CHP1: variants seen among roughly 807,000 people sequenced by gnomAD.
CHP1 encodes the protein calcineurin B homologous protein 1.
Under a neutral mutation model 27.4 loss-of-function variants are expected in CHP1, and 11 were observed. The ratio of observed to expected loss-of-function variants is 0.40; its 90% CI spans 0.25 to 0.67. CHP1 has a LOEUF of 0.67. Ranked by LOEUF, CHP1 falls within the 30% of genes least tolerant of loss-of-function variation. The pLI is 0.38. For missense variants in CHP1, 169 were observed against 251.3 expected, an observed-to-expected ratio of 0.67 and a Z score of 2.22; for synonymous variants, 89 against 87.4, an observed-to-expected ratio of 1.02 and a Z score of -0.10.
At chr15:41,232,844 G>GT (rs1244588078) in intron 1 of CHP1, among the ~76,000 whole-genome samples, 1 of 152,274 alleles carries the variant, frequency 6.6e-6, no homozygotes, top group East Asian at 1.9e-4. Context: ...TTTCAGGCCT[G>GT]TTTAAGTGCT....
At chr15:41,238,129 A>C (rs760444660) in intron 1 of CHP1, among the ~76,000 whole-genome samples, 2 of 151,778 alleles carry the variant, frequency 1.3e-5, no homozygotes, top group African/African-American at 2.4e-5. Flanking sequence ...GATTTCAGCA[A>C]CGTTAACAGG....
In CHP1 at chr15:41,249,462, CTTTTTTTTT is replaced by C. The variant is rs1163537727; in HGVS notation, c.140+5743_140+5751del. ...TGCCACCATGCCTGGCCTTCACCTT[CTTTTTTTTT>C]TTTTTTTTTTTTTTTTTTTGAGATG... is the stretch of plus-strand genomic sequence containing the variant. On this transcript the variant is annotated intron_variant, in intron 2 of 6. Transcript: ENST00000334660. Among the ~76,000 whole-genome samples the C allele has an allele frequency of 1.3e-4, 10 of 78,530 alleles. No individual in the cohort carries two copies. In the East Asian group the frequency reaches 2.5e-3, roughly 20 times the overall value. 51.5% of individuals were successfully genotyped at this position (78,530 alleles called of 152,430 possible). A position where few individuals can be genotyped will look rare whatever the true frequency, so the allele number is the denominator to read the frequency against.
chr15:41,235,464 C>G (rs1381207658), intron 1 of CHP1, among the ~76,000 whole-genome samples: 2 of 152,122 alleles, frequency 1.3e-5, no homozygotes, highest in Non-Finnish European at 2.9e-5. Flanking sequence ...GTCAAGGCTG[C>G]AGTGAGCCAT....
chr15:41,259,700 C>A (rs1458516597), intron 3 of CHP1, among the ~76,000 whole-genome samples: 1 of 152,182 alleles, frequency 6.6e-6, no homozygotes, highest in African/African-American at 2.4e-5. Flanking sequence ...TGACCAGATA[C>A]TGGTCCATTA....
chr15:41,253,603 C>T (rs1296059535), intron 2 of CHP1, among the ~76,000 whole-genome samples: 3 of 151,230 alleles, frequency 2.0e-5, no homozygotes, highest in Admixed American at 6.6e-5. Flanking sequence ...TACAGGTGCC[C>T]GTCACCACGC....
chr15:41,272,791 G>T (rs75908142), intron 5 of CHP1, among the ~76,000 whole-genome samples: 18,161 of 151,726 alleles, frequency 0.12, 1,514 homozygotes, highest in African/African-American at 0.24. Context: ...GCTCATGCCT[G>T]TAATCCCAGC....
At chr15:41,235,532 A>G (rs2047272527) in intron 1 of CHP1, among the ~76,000 whole-genome samples, 1 of 152,138 alleles carries the variant, frequency 6.6e-6, no homozygotes, top group South Asian at 2.1e-4. Context: ...AAAAAAACAA[A>G]AACAAACAAC....
chr15:41,261,444 C>T (rs1219477398), intron 3 of CHP1, among the ~76,000 whole-genome samples: 1 of 152,056 alleles, frequency 6.6e-6, no homozygotes, highest in East Asian at 1.9e-4. Context: ...GCATGGACCA[C>T]CGTGCCCAGC....
At chr15:41,242,601 A>C (rs1320872375) in intron 1 of CHP1, among the ~76,000 whole-genome samples, 3 of 146,530 alleles carry the variant, frequency 2.0e-5, no homozygotes, top group African/African-American at 5.1e-5. Context: ...CCTGGGCGAC[A>C]AAGTTGAGGC....
intron 1 of CHP1, among the ~76,000 whole-genome samples, chr15:41,237,802 C>G (rs1003284994): frequency 6.6e-6 from 1 of 151,984 alleles, no homozygotes; most frequent in Non-Finnish European, 1.5e-5. Flanking sequence ...TCCCGCCTCC[C>G]GGGTTCAAGG....
At chr15:41,266,084 G>A (rs909925700) in intron 4 of CHP1, among the ~76,000 whole-genome samples, 10 of 152,122 alleles carry the variant, frequency 6.6e-5, no homozygotes, top group African/African-American at 2.4e-4. Context: ...AGGAGTTCGA[G>A]ACCAGCCTGA....
intron 5 of CHP1, among the ~76,000 whole-genome samples, chr15:41,272,708 AC>A (rs2047496517): frequency 6.6e-6 from 1 of 151,632 alleles, no homozygotes; most frequent in East Asian, 2.0e-4. Flanking sequence ...GGCGTGAGCC[AC>A]CGTACCCAGC....
At chr15:41,232,933 G>C (rs1310474097) in intron 1 of CHP1, among the ~76,000 whole-genome samples, 1 of 152,092 alleles carries the variant, frequency 6.6e-6, no homozygotes, top group African/African-American at 2.4e-5. Flanking sequence ...CCCCTTTCTG[G>C]ACTGGTTTGC....
chr15:41,279,622 C>T lies in CHP1; in HGVS notation c.*233C>T. ...GTTCAGTATCCATTCACTAGTTCTT[C>T]ATTTATAAATATCATCTTCCCCATT... On this transcript the variant is annotated 3_prime_UTR_variant, in exon 7 of 7. Coordinates refer to ENST00000334660, the MANE Select transcript of CHP1 (RefSeq NM_007236.5). The T allele has an allele frequency of 2.2e-6, 1 of 459,942 alleles. No homozygotes were observed. Among genetic ancestry groups the T allele is most frequent in the Non-Finnish European group, 3.9e-6 (1 of 258,710 alleles). 28.5% of individuals were successfully genotyped at this position (459,942 alleles called of 1,614,324 possible).
chr15:41,240,718 G>A (rs1268037524), intron 1 of CHP1, among the ~76,000 whole-genome samples: 4 of 142,412 alleles, frequency 2.8e-5, no homozygotes, highest in Admixed American at 7.4e-5. Flanking sequence ...GTGCCATTGC[G>A]CTCCAGCCTG....
At chr15:41,244,711 C>G (rs1424684623) in intron 2 of CHP1, among the ~76,000 whole-genome samples, 1 of 152,112 alleles carries the variant, frequency 6.6e-6, no homozygotes, top group East Asian at 1.9e-4. Flanking sequence ...TTGAGAAACT[C>G]TGGTCTAGGT....
intron 2 of CHP1, among the ~76,000 whole-genome samples, chr15:41,253,003 A>G (rs1380830569): frequency 1.6e-5 from 2 of 126,590 alleles, no homozygotes; most frequent in Non-Finnish European, 3.1e-5. Context: ...CAGTGGCGCA[A>G]TCTTGGCTCA....
At chr15:41,240,766 A>AT (rs1466764877) in intron 1 of CHP1, among the ~76,000 whole-genome samples, 11 of 151,552 alleles carry the variant, frequency 7.3e-5, no homozygotes, top group African/African-American at 1.7e-4. Context: ...AAAAAAAAAA[A>AT]AAAAAAAGAT....
At chr15:41,264,568 TG>T (rs2047450870) in intron 4 of CHP1, among the ~76,000 whole-genome samples, 1 of 152,142 alleles carries the variant, frequency 6.6e-6, no homozygotes, top group Admixed American at 6.6e-5. Context: ...CCTCTCAAGT[TG>T]CTGGGACCAC....
Sources: gnomAD v4.1 joint callset for allele counts (sites outside exome capture counted in the v4.1 genomes callset) on GRCh38, gnomAD v4.1.1 for gene constraint, MANE v1.5 for transcripts, NCBI Gene and HGNC (gene_info 2026-07-23, HGNC 2026-07-21) for gene names.